Variants in DPYD observed in about 807,000 individuals in gnomAD.
The protein encoded by DPYD is dihydropyrimidine dehydrogenase [NADP(+)].
In DPYD, 109 loss-of-function variants were observed where a neutral mutation model predicts 116.2. That is an observed-to-expected ratio of 0.94 (90% confidence interval 0.80 to 1.10). DPYD has a LOEUF of 1.10. Ranked by LOEUF, DPYD falls within the 50% of genes least tolerant of loss-of-function variation. DPYD has a pLI of 0.00. For missense variants in DPYD, 1,302 were observed against 1,254.5 expected (o/e 1.04, Z -0.57); for synonymous variants, 440 against 432.0 (o/e 1.02, Z -0.23).
chr1:97,616,899 T>G (rs1438884608), intron 8 of DPYD, among the ~76,000 whole-genome samples: 1 of 152,170 alleles, frequency 6.6e-6, no homozygotes, highest in East Asian at 1.9e-4. Flanking sequence ...TTATTTCTTT[T>G]TTTTTGAGAC....
At chr1:97,526,702 G>A (rs139362070) in intron 12 of DPYD, among the ~76,000 whole-genome samples, 26 of 152,184 alleles carry the variant, frequency 1.7e-4, no homozygotes, top group African/African-American at 4.8e-4. Flanking sequence ...AGAACAGACC[G>A]TTTAAGTTCG....
chr1:97,835,750 T>C (rs950319496), intron 2 of DPYD, among the ~76,000 whole-genome samples: 1 of 152,136 alleles, frequency 6.6e-6, no homozygotes, highest in Non-Finnish European at 1.5e-5. Context: ...ATATATATTG[T>C]GGAGTTCTAT....
In DPYD at chr1:97,285,030, C is replaced by T. The variant is rs12072735; in HGVS notation, c.2299+20229G>A. Among the ~76,000 whole-genome samples the T allele has an allele frequency of 9.9e-3, 1,502 of 152,230 alleles. 22 individuals are homozygous for T. Among genetic ancestry groups the T allele is most frequent in the African/African-American group, 0.034 (1,422 of 41,536 alleles). On this transcript the variant is annotated intron_variant, in intron 18 of 22. Coordinates refer to ENST00000370192, the MANE Select transcript of DPYD (RefSeq NM_000110.4). ...GAGACACACACAACATTGATGCTAA[C>T]GGGTCTGGATCAAAGCCAAATTGGC... is the stretch of plus-strand genomic sequence containing the variant.
At chr1:97,094,379 A>C (rs1054664107) in intron 21 of DPYD, among the ~76,000 whole-genome samples, 6 of 152,176 alleles carry the variant, frequency 3.9e-5, no homozygotes, top group Admixed American at 1.3e-4. Context: ...AGTTAATATA[A>C]TGTTTTAGAA....
At chr1:97,122,919 G>T (rs1369244011) in intron 20 of DPYD, among the ~76,000 whole-genome samples, 1 of 152,008 alleles carries the variant, frequency 6.6e-6, no homozygotes. Context: ...TTATGCAATT[G>T]ACTTTTTAGT....
intron 14 of DPYD, among the ~76,000 whole-genome samples, chr1:97,448,117 T>G (rs1676190028): frequency 6.6e-6 from 1 of 152,030 alleles, no homozygotes; most frequent in South Asian, 2.1e-4. Flanking sequence ...CTTAGGAGGC[T>G]TAGGCAGGAG....
At chr1:97,232,761 A>G (rs1661663746) in intron 19 of DPYD, among the ~76,000 whole-genome samples, 5 of 152,174 alleles carry the variant, frequency 3.3e-5, no homozygotes, top group Admixed American at 2.0e-4. Context: ...TCATCTTTAT[A>G]TCTTCTATTT....
intron 18 of DPYD, among the ~76,000 whole-genome samples, chr1:97,251,549 G>T (rs2100812537): frequency 6.6e-6 from 1 of 152,118 alleles, no homozygotes; most frequent in South Asian, 2.1e-4. Context: ...CAATTTTTAT[G>T]GTGGTGTTGC....
At chr1:97,778,169 A>AG (rs1445723372) in intron 3 of DPYD, among the ~76,000 whole-genome samples, 1 of 130,672 alleles carries the variant, frequency 7.7e-6, no homozygotes, top group African/African-American at 3.0e-5. Context: ...AAAAAAAAAA[A>AG]AAAAGAAAGA....
intron 3 of DPYD, among the ~76,000 whole-genome samples, chr1:97,812,888 A>G (rs1668404569): frequency 1.3e-5 from 2 of 152,134 alleles, no homozygotes; most frequent in Admixed American, 1.3e-4. Context: ...AATATTTATC[A>G]TGCTCTTTAA....
intron 20 of DPYD, among the ~76,000 whole-genome samples, chr1:97,184,394 G>A (rs972144025): frequency 1.3e-5 from 2 of 152,050 alleles, no homozygotes; most frequent in African/African-American, 2.4e-5. Flanking sequence ...CAGTGTACAA[G>A]CATTCTGTTT....
intron 2 of DPYD, among the ~76,000 whole-genome samples, chr1:97,837,759 C>T (rs890692329): frequency 1.8e-4 from 27 of 152,010 alleles, no homozygotes; most frequent in Non-Finnish European, 4.4e-5. Context: ...ATAAACTCTC[C>T]ATCCTGAAAA....
At chr1:97,279,666 T>A (rs900303087) in intron 18 of DPYD, among the ~76,000 whole-genome samples, 1 of 152,132 alleles carries the variant, frequency 6.6e-6, no homozygotes, top group Non-Finnish European at 1.5e-5. Context: ...TGCATGACCA[T>A]GCCTGGCTAA....
intron 10 of DPYD, among the ~76,000 whole-genome samples, chr1:97,578,569 T>A (rs1653430923): frequency 6.6e-6 from 1 of 152,166 alleles, no homozygotes; most frequent in Non-Finnish European, 1.5e-5. Context: ...TTATCTGAAA[T>A]TAGGATCTGG....
At chr1:97,486,789 C>T (rs1199688968) in intron 13 of DPYD, among the ~76,000 whole-genome samples, 1 of 151,900 alleles carries the variant, frequency 6.6e-6, no homozygotes, top group Non-Finnish European at 1.5e-5. Context: ...TTTTAAAACA[C>T]TAGGCTACTG....
At chr1:97,702,334 TAACGTGATC>T (rs1661643006) in intron 5 of DPYD, among the ~76,000 whole-genome samples, 1 of 151,732 alleles carries the variant, frequency 6.6e-6, no homozygotes, top group Admixed American at 6.6e-5. Flanking sequence ...AACATATGTT[TAACGTGATC>T]AAGGATCTCT....
At chr1:97,556,856 T>G (rs1651762046) in intron 11 of DPYD, among the ~76,000 whole-genome samples, 1 of 150,816 alleles carries the variant, frequency 6.6e-6, no homozygotes, top group Non-Finnish European at 1.5e-5. Flanking sequence ...TTTATAGTCC[T>G]TTGGGTATAT....
At chr1:97,623,478 G>T (rs1656744538) in intron 8 of DPYD, among the ~76,000 whole-genome samples, 2 of 152,056 alleles carry the variant, frequency 1.3e-5, no homozygotes, top group Admixed American at 1.3e-4. Flanking sequence ...GCCTCAGGGA[G>T]TCAGGCATAG....
At chr1:97,279,656 T>G (rs1180632972) in intron 18 of DPYD, among the ~76,000 whole-genome samples, 1 of 152,124 alleles carries the variant, frequency 6.6e-6, no homozygotes, top group East Asian at 1.9e-4. Flanking sequence ...ACAACAGGTG[T>G]GCATGACCAT....
Sources: gnomAD v4.1 joint callset for allele counts (sites outside exome capture counted in the v4.1 genomes callset) on GRCh38, gnomAD v4.1.1 for gene constraint, MANE v1.5 for transcripts, NCBI Gene and HGNC (gene_info 2026-07-23, HGNC 2026-07-21) for gene names.